NKAIN2: variants seen among roughly 807,000 people sequenced by gnomAD.
NKAIN2 encodes the protein sodium/potassium transporting ATPase interacting 2.
NKAIN2 carries 14 observed loss-of-function variants against 32.6 expected under a neutral mutation model. The ratio of observed to expected loss-of-function variants is 0.43; its 90% CI spans 0.28 to 0.67. The LOEUF is 0.67. Ranked by LOEUF, NKAIN2 falls within the 30% of genes least tolerant of loss-of-function variation. The pLI is 0.17. For synonymous variants in NKAIN2, 80 were observed against 87.2 expected, an observed-to-expected ratio of 0.92 and a Z score of 0.46; for missense variants, 198 against 258.3, an observed-to-expected ratio of 0.77 and a Z score of 1.60.
chr6:124,343,338 A>G (rs1336717754), intron 2 of NKAIN2, among the ~76,000 whole-genome samples: 5 of 151,426 alleles, frequency 3.3e-5, no homozygotes, highest in Non-Finnish European at 7.4e-5. Context: ...TCCTTTGGGT[A>G]TATACCCAGT....
chr6:123,880,464 T>A (rs978479634), intron 1 of NKAIN2, among the ~76,000 whole-genome samples: 2 of 152,160 alleles, frequency 1.3e-5, no homozygotes, highest in African/African-American at 4.8e-5. Context: ...CGGAAATACC[T>A]GCATGGGAGG....
chr6:124,031,686 G>A (rs959560594), intron 1 of NKAIN2, among the ~76,000 whole-genome samples: 1 of 152,126 alleles, frequency 6.6e-6, no homozygotes, highest in Non-Finnish European at 1.5e-5. Flanking sequence ...TCATTCAGGA[G>A]CAGGTTGTTC....
At position 124,389,680 on chromosome 6, in the gene NKAIN2, A is replaced by G. The variant is rs146355749; in HGVS notation, c.273+34333A>G. Among the ~76,000 whole-genome samples the G allele has an allele frequency of 1.5e-3, 223 of 148,126 alleles. 4 individuals are homozygous for G. The East Asian group carries it at 0.035, about 23-fold the overall frequency. On this transcript the variant is annotated intron_variant, in intron 3 of 6. Coordinates refer to ENST00000368417, the MANE Select transcript of NKAIN2 (RefSeq NM_001040214.3). The stretch of plus-strand genomic sequence containing the variant: ...TTAGATCCTCACCCTCTTTCTCTCT[A>G]TCTTTCTCTCTCCTTTCCTCATCTC...
At chr6:124,146,972 A>G (rs1787440536) in intron 1 of NKAIN2, among the ~76,000 whole-genome samples, 1 of 152,178 alleles carries the variant, frequency 6.6e-6, no homozygotes, top group African/African-American at 2.4e-5. Context: ...ACTGGGTGAT[A>G]GTTACAACAG....
intron 5 of NKAIN2, among the ~76,000 whole-genome samples, chr6:124,793,505 G>A (rs1201265422): frequency 6.6e-6 from 1 of 151,946 alleles, no homozygotes; most frequent in Non-Finnish European, 1.5e-5. Flanking sequence ...ATGGAAGTTG[G>A]GCTTTCTCTG....
At chr6:124,192,981 C>T (rs1449380695) in intron 1 of NKAIN2, among the ~76,000 whole-genome samples, 4 of 152,074 alleles carry the variant, frequency 2.6e-5, no homozygotes, top group African/African-American at 9.7e-5. Flanking sequence ...GACCTCCTGA[C>T]CTCGTGATCC....
chr6:124,428,651 A>G (rs1471889139), intron 3 of NKAIN2, among the ~76,000 whole-genome samples: 1 of 152,188 alleles, frequency 6.6e-6, no homozygotes, highest in African/African-American at 2.4e-5. Flanking sequence ...AGCTATTCTC[A>G]GAGAACCTGA....
intron 1 of NKAIN2, among the ~76,000 whole-genome samples, chr6:124,149,669 T>G (rs1441809624): frequency 1.3e-5 from 2 of 152,210 alleles, no homozygotes; most frequent in African/African-American, 4.8e-5. Context: ...ACCACATGAT[T>G]GTAATGACTG....
chr6:124,157,598 G>A (rs1415319246), intron 1 of NKAIN2, among the ~76,000 whole-genome samples: 1 of 152,140 alleles, frequency 6.6e-6, no homozygotes, highest in Non-Finnish European at 1.5e-5. Flanking sequence ...GATTGCATAT[G>A]TTGTCAACTG....
At chr6:124,477,339 C>T (rs1777259725) in intron 3 of NKAIN2, among the ~76,000 whole-genome samples, 1 of 152,158 alleles carries the variant, frequency 6.6e-6, no homozygotes, top group Non-Finnish European at 1.5e-5. Context: ...TCCACAGTGT[C>T]TGGACATTGG....
chr6:124,707,271 T>G (rs1348948325), intron 4 of NKAIN2, among the ~76,000 whole-genome samples: 1 of 152,180 alleles, frequency 6.6e-6, no homozygotes, highest in Non-Finnish European at 1.5e-5. Flanking sequence ...TCCAAGTCTT[T>G]GCTACTGTGA....
intron 3 of NKAIN2, among the ~76,000 whole-genome samples, chr6:124,364,250 A>AGGAG (rs1554288848): frequency 7.2e-6 from 1 of 139,738 alleles, no homozygotes; most frequent in African/African-American, 2.7e-5. Context: ...AAAAAAAAAA[A>AGGAG]AGAGAGAAAA....
chr6:124,171,414 G>C (rs920338823), intron 1 of NKAIN2, among the ~76,000 whole-genome samples: 4 of 151,994 alleles, frequency 2.6e-5, no homozygotes, highest in African/African-American at 9.7e-5. Flanking sequence ...ATTCATTTCT[G>C]CAGTTTATTC....
chr6:124,668,032 G>T (rs559314780), intron 4 of NKAIN2, among the ~76,000 whole-genome samples: 4 of 152,168 alleles, frequency 2.6e-5, no homozygotes, highest in Admixed American at 2.6e-4. Context: ...CACTGTGGCT[G>T]CTTCTGTCCT....
At chr6:124,749,556 C>A (rs1777613905) in intron 4 of NKAIN2, among the ~76,000 whole-genome samples, 1 of 151,898 alleles carries the variant, frequency 6.6e-6, no homozygotes, top group African/African-American at 2.4e-5. Flanking sequence ...GCACTCAGGA[C>A]AAGGCTCTAA....
intron 1 of NKAIN2, among the ~76,000 whole-genome samples, chr6:124,190,264 C>T (rs1789950705): frequency 6.6e-6 from 1 of 152,172 alleles, no homozygotes; most frequent in Non-Finnish European, 1.5e-5. Context: ...ACAGGGTTAT[C>T]CTGAGGCTCA....
intron 1 of NKAIN2, among the ~76,000 whole-genome samples, chr6:124,244,907 G>A (rs1357206604): frequency 6.6e-6 from 1 of 151,938 alleles, no homozygotes; most frequent in Non-Finnish European, 1.5e-5. Context: ...AGCTTACCAT[G>A]GTTATCTCAA....
intron 1 of NKAIN2, among the ~76,000 whole-genome samples, chr6:124,093,113 T>C (rs1207398266): frequency 6.6e-6 from 1 of 152,148 alleles, no homozygotes; most frequent in Non-Finnish European, 1.5e-5. Context: ...TTTTGAAGCT[T>C]ACTTAAAACT....
intron 1 of NKAIN2, among the ~76,000 whole-genome samples, chr6:124,007,138 T>G (rs1469065675): frequency 1.3e-5 from 2 of 152,186 alleles, no homozygotes; most frequent in East Asian, 3.9e-4. Context: ...CATGTTACTG[T>G]GCTGAATATT....
Sources: gnomAD v4.1 joint callset for allele counts (sites outside exome capture counted in the v4.1 genomes callset) on GRCh38, gnomAD v4.1.1 for gene constraint, MANE v1.5 for transcripts, NCBI Gene and HGNC (gene_info 2026-07-23, HGNC 2026-07-21) for gene names.